The following HECW1 variants were observed in gnomAD, a reference collection of about 807,000 sequenced individuals.
HECW1 encodes the protein E3 ubiquitin-protein ligase HECW1.
In HECW1, 61 loss-of-function variants were observed where a neutral mutation model predicts 182.3. The ratio of observed to expected loss-of-function variants is 0.33; its 90% CI spans 0.27 to 0.41. The LOEUF (loss-of-function observed/expected upper bound fraction) is 0.41. Ranked by LOEUF, HECW1 falls within the 10% of genes least tolerant of loss-of-function variation. The pLI, the probability that HECW1 is intolerant of heterozygous loss-of-function variation, is 1.00. For synonymous variants in HECW1, 859 were observed against 832.6 expected (o/e 1.03, Z -0.55); for missense variants, 1,739 against 2,108.9 (o/e 0.82, Z 3.44).
chr7:43,506,023 T>C (rs1198500150), intron 21 of HECW1, among the ~76,000 whole-genome samples: 2 of 152,236 alleles, frequency 1.3e-5, no homozygotes, highest in Non-Finnish European at 2.9e-5. Flanking sequence ...TCCATCCTTT[T>C]TTAAATTAAA....
intron 5 of HECW1, among the ~76,000 whole-genome samples, chr7:43,334,163 G>A (rs1325518016): frequency 6.6e-6 from 1 of 152,280 alleles, no homozygotes; most frequent in East Asian, 1.9e-4. Context: ...CCTGAACATT[G>A]TGTGTGCCTT....
chr7:43,418,685 CTGA>C (rs1229083247), intron 8 of HECW1, among the ~76,000 whole-genome samples: 1 of 151,882 alleles, frequency 6.6e-6, no homozygotes, highest in African/African-American at 2.4e-5. Context: ...CTTTATTTTG[CTGA>C]TGATATTTCT....
intron 21 of HECW1, among the ~76,000 whole-genome samples, chr7:43,502,119 G>A (rs1039509950): frequency 4.6e-5 from 7 of 152,142 alleles, no homozygotes; most frequent in African/African-American, 1.2e-4. Context: ...CATTTCAAAC[G>A]GAAGAGCCCT....
intron 14 of HECW1, among the ~76,000 whole-genome samples, chr7:43,464,913 C>T (rs372237419): frequency 1.7e-4 from 26 of 152,032 alleles, no homozygotes; most frequent in African/African-American, 5.8e-4. Context: ...ACAGTCCTCC[C>T]AACACAGCCT....
rs148452681 is a variant in HECW1, at chr7:43,220,278, G to A, written c.-31-23597G>A. On this transcript the variant is annotated intron_variant, in intron 2 of 29. Coordinates refer to ENST00000395891, the MANE Select transcript of HECW1 (RefSeq NM_015052.5). Reference sequence around the variant, plus strand: ...GGTCTGGGAGCACCTAGAATGCAACGCTTCCTGTGTCCTCTCCCTGCGGGG... The same window carrying A: ...GGTCTGGGAGCACCTAGAATGCAACACTTCCTGTGTCCTCTCCCTGCGGGG... Among the ~76,000 whole-genome samples, 51 of 152,302 alleles carry A rather than the reference G, an allele frequency of 3.3e-4. No individual in the cohort carries two copies. In the South Asian group the frequency reaches 7.5e-3, roughly 22 times the overall value.
rs1416008575 is a variant in HECW1, at chr7:43,563,347, T to C, written c.*1421T>C. ...AAACCCAACCATAATGGTCATTTGCTATTTTTCTAACGTTGTTATCCATGT... is the reference window on the plus strand; with the variant it reads ...AAACCCAACCATAATGGTCATTTGCCATTTTTCTAACGTTGTTATCCATGT... On this transcript the variant is annotated 3_prime_UTR_variant, in exon 30 of 30. Coordinates refer to ENST00000395891, the MANE Select transcript of HECW1 (RefSeq NM_015052.5). The C allele has an allele frequency of 9.6e-6, 2 of 208,538 alleles. No homozygotes were observed. Among genetic ancestry groups the C allele is most frequent in the Non-Finnish European group, 1.9e-5 (2 of 102,596 alleles). The allele number at this position is 208,538 out of a possible 1,614,324, so 12.9% of individuals were successfully genotyped here.
chr7:43,176,020 T>C (rs569203315), intron 2 of HECW1, among the ~76,000 whole-genome samples: 1 of 152,374 alleles, frequency 6.6e-6, no homozygotes, highest in South Asian at 2.1e-4. Context: ...GTGAGCCATG[T>C]AGTGTTTTCT....
At chr7:43,180,181 A>G (rs1003168585) in intron 2 of HECW1, among the ~76,000 whole-genome samples, 1 of 107,878 alleles carries the variant, frequency 9.3e-6, no homozygotes, top group Non-Finnish European at 1.9e-5. Flanking sequence ...AGCAGAGGTT[A>G]TGTGACTGTT....
intron 6 of HECW1, among the ~76,000 whole-genome samples, chr7:43,373,853 AC>A (rs1304174924): frequency 6.6e-6 from 1 of 152,162 alleles, no homozygotes; most frequent in African/African-American, 2.4e-5. Flanking sequence ...TAGGAATTTG[AC>A]CACACTAGGC....
intron 6 of HECW1, chr7:43,377,732 G>A (rs1435026268): frequency 4.8e-6 from 1 of 206,694 alleles, no homozygotes; most frequent in Non-Finnish European, 9.9e-6. Context: ...ATGTTGCCAG[G>A]GTGTAAAGGC....
At chr7:43,185,873 G>C (rs1283464669) in intron 2 of HECW1, among the ~76,000 whole-genome samples, 1 of 151,990 alleles carries the variant, frequency 6.6e-6, no homozygotes, top group Non-Finnish European at 1.5e-5. Flanking sequence ...TGATTTCATG[G>C]TTTTATTTAA....
chr7:43,442,101 A>C (rs950493931), intron 9 of HECW1, among the ~76,000 whole-genome samples: 1 of 152,260 alleles, frequency 6.6e-6, no homozygotes, highest in Admixed American at 6.5e-5. Context: ...ATCACAGGGT[A>C]AACAAGTGAT....
At chr7:43,128,801 A>G (rs1786566526) in intron 2 of HECW1, among the ~76,000 whole-genome samples, 1 of 152,200 alleles carries the variant, frequency 6.6e-6, no homozygotes, top group Admixed American at 6.5e-5. Context: ...AAGAGGTCAG[A>G]ATATCAACAT....
Position 43,564,587 on chromosome 7 carries a change from A to G in HECW1, c.*2661A>G. The G allele has an allele frequency of 1.1e-5, 2 of 185,322 alleles. 1 individual carries two copies. The highest frequency in any genetic ancestry group is 2.3e-5 in the Non-Finnish European group (2 of 87,392). 11.5% of individuals were successfully genotyped at this position (185,322 alleles called of 1,614,324 possible). A position where few individuals can be genotyped will look rare whatever the true frequency, so the allele number is the denominator to read the frequency against. On this transcript the variant is annotated 3_prime_UTR_variant, in exon 30 of 30. Coordinates refer to ENST00000395891, the MANE Select transcript of HECW1 (RefSeq NM_015052.5). Reference sequence around the variant, plus strand: ...TTTCACAAAAGTGCAAAATTTCATGAAGAAATGCTGATGTCACGGTCACCT... The same window carrying G: ...TTTCACAAAAGTGCAAAATTTCATGGAGAAATGCTGATGTCACGGTCACCT...
At chr7:43,330,472 A>T (rs1811326264) in intron 5 of HECW1, among the ~76,000 whole-genome samples, 1 of 152,196 alleles carries the variant, frequency 6.6e-6, no homozygotes, top group Non-Finnish European at 1.5e-5. Flanking sequence ...AGATAATAAG[A>T]GGGTGCTGCT....
Position 43,190,590 on chromosome 7 carries a change from G to A in HECW1, c.-31-53285G>A, listed in dbSNP as rs575537652. Among the ~76,000 whole-genome samples the A allele has an allele frequency of 5.3e-5, 8 of 152,322 alleles. No homozygotes were observed. In the South Asian group the frequency reaches 1.7e-3, roughly 32 times the overall value. ...ATAATGTATTCAGTTGTCCGGTGAT[G>A]TATTTGTGGAATAATTTCAGTCCTC... On this transcript the variant is annotated intron_variant, in intron 2 of 29. Coordinates refer to ENST00000395891, the MANE Select transcript of HECW1 (RefSeq NM_015052.5).
chr7:43,140,951 A>G (rs568135079), intron 2 of HECW1, among the ~76,000 whole-genome samples: 2 of 152,306 alleles, frequency 1.3e-5, no homozygotes. Context: ...TTCCTAGGAC[A>G]TTGGTCCTAT....
At chr7:43,260,745 T>A (rs1384519212) in intron 3 of HECW1, among the ~76,000 whole-genome samples, 2 of 152,136 alleles carry the variant, frequency 1.3e-5, no homozygotes, top group African/African-American at 4.8e-5. Flanking sequence ...ACTTAGTCAT[T>A]GCTTGGATGT....
At chr7:43,355,521 T>C (rs1017270588) in intron 5 of HECW1, among the ~76,000 whole-genome samples, 1 of 152,144 alleles carries the variant, frequency 6.6e-6, no homozygotes, top group Non-Finnish European at 1.5e-5. Flanking sequence ...TAAGTTGTCA[T>C]CTCCTTAAAA....
Sources: allele counts gnomAD v4.1 joint callset (sites outside exome capture counted in the v4.1 genomes callset), GRCh38; gene constraint gnomAD v4.1.1; transcripts MANE v1.5; gene names NCBI Gene and HGNC (gene_info 2026-07-23, HGNC 2026-07-21).